The following AFF1 variants were observed in gnomAD, a reference collection of about 807,000 sequenced individuals.
AFF1 encodes ALF transcription elongation factor 1.
A neutral mutation model predicts 121.7 loss-of-function variants in AFF1; 48 were observed. That is an observed-to-expected ratio of 0.39 (90% CI 0.31 to 0.50). The LOEUF (loss-of-function observed/expected upper bound fraction) is 0.50, where lower values mean the gene tolerates loss of function less well. Ranked by LOEUF, AFF1 falls within the 20% of genes least tolerant of loss-of-function variation. The pLI is 0.76. For synonymous variants in AFF1, 613 were observed against 563.0 expected, an observed-to-expected ratio of 1.09 and a Z score of -1.26; for missense variants, 1,523 against 1,511.7, an observed-to-expected ratio of 1.01 and a Z score of -0.12.
chr4:87,057,455 G>A (rs1390633917), intron 4 of AFF1, among the ~76,000 whole-genome samples: 3 of 152,078 alleles, frequency 2.0e-5, no homozygotes, highest in South Asian at 2.1e-4. Flanking sequence ...CAGTTTATTC[G>A]TCTGTAAGTA....
chr4:86,985,574 G>A (rs941885174), intron 2 of AFF1, among the ~76,000 whole-genome samples: 1 of 151,434 alleles, frequency 6.6e-6, no homozygotes, highest in Non-Finnish European at 1.5e-5. Flanking sequence ...TCCTCGGGAG[G>A]CTGAGGCAGG....
rs776080214 is a variant in AFF1 at position 87,114,637 on chromosome 4, C to G, written c.1804C>G (p.Pro602Ala). The G allele has an allele frequency of 5.6e-6, 9 of 1,612,958 alleles. No individual in the cohort carries two copies. In the South Asian group the frequency reaches 9.9e-5, roughly 18 times the overall value. ...CQKSPAQQEP[P>A]QRQTVGTKQP... ...GAAGTCTCCGGCACAGCAGGAGCCC[C>G]CACAAAGGCAAACCGTTGGAACCAA... is the stretch of plus-strand genomic sequence containing the variant. The change falls in exon 12 of 21, where the codon CCA becomes GCA. Residue 602 changes from proline (P) to alanine (A), a missense_variant. Pro to Ala is a conservative substitution (Grantham distance 27). Coordinates refer to ENST00000395146, the MANE Select transcript of AFF1 (RefSeq NM_001166693.3).
At chr4:86,957,636 G>T (rs1050276219) in intron 2 of AFF1, among the ~76,000 whole-genome samples, 1 of 151,950 alleles carries the variant, frequency 6.6e-6, no homozygotes, top group African/African-American at 2.4e-5. Flanking sequence ...TCTGCCTCTT[G>T]GGTTCAAGCA....
Position 87,053,442 on chromosome 4 carries a change from G to A in AFF1, c.1059+5848G>A, listed in dbSNP as rs146540036. Among the ~76,000 whole-genome samples the A allele has an allele frequency of 1.6e-3, 250 of 152,318 alleles. 1 individual carries two copies. Among genetic ancestry groups the A allele is most frequent in the African/African-American group, 5.4e-3 (223 of 41,568 alleles). On this transcript the variant is annotated intron_variant, in intron 4 of 20. Coordinates refer to ENST00000395146, the MANE Select transcript of AFF1 (RefSeq NM_001166693.3). ...ACCCACAGTGGAAAACTGTGTGATA[G>A]TGATTCACTTTGCATTCACATATAC...
chr4:87,086,268 C>T (rs950798524), intron 5 of AFF1, among the ~76,000 whole-genome samples: 23 of 152,082 alleles, frequency 1.5e-4, no homozygotes, highest in Non-Finnish European at 2.2e-4. Context: ...GAAGTAAATG[C>T]AACAGTGCAG....
intron 5 of AFF1, among the ~76,000 whole-genome samples, chr4:87,084,965 C>T (rs1441165154): frequency 6.6e-6 from 1 of 152,142 alleles, no homozygotes; most frequent in Non-Finnish European, 1.5e-5. Context: ...TACATACAGC[C>T]TTTTCTTCAG....
chr4:86,963,166 CAAAAAAAAAAAA>C (rs11341612), intron 2 of AFF1, among the ~76,000 whole-genome samples: 1 of 63,294 alleles, frequency 1.6e-5, no homozygotes, highest in Non-Finnish European at 2.7e-5. Context: ...ACTCCCATCT[CAAAAAAAAAAAA>C]AAAAAAAAAA....
chr4:86,939,360 T>C (rs79243012), intron 1 of AFF1, among the ~76,000 whole-genome samples: 2,370 of 152,346 alleles, frequency 0.016, 100 homozygotes, highest in East Asian at 0.093. Flanking sequence ...TGTGGTTTCC[T>C]GTTTTTCAAG....
At chr4:87,000,275 A>G (rs867839938) in intron 2 of AFF1, among the ~76,000 whole-genome samples, 4 of 152,216 alleles carry the variant, frequency 2.6e-5, no homozygotes, top group African/African-American at 7.2e-5. Flanking sequence ...CCAAAACCAG[A>G]TAGAGGAACA....
At chr4:87,117,582 A>G (rs955346461) in intron 12 of AFF1, among the ~76,000 whole-genome samples, 1 of 152,238 alleles carries the variant, frequency 6.6e-6, no homozygotes, top group African/African-American at 2.4e-5. Context: ...GCCCAAGAGC[A>G]TACAAAGCTA....
At position 87,105,612 on chromosome 4, in the gene AFF1, T is replaced by C; in HGVS notation, c.1284-16T>C. On this transcript the variant is annotated splice_polypyrimidine_tract_variant and intron_variant, in intron 8 of 20. Coordinates refer to ENST00000395146, the MANE Select transcript of AFF1 (RefSeq NM_001166693.3). ...CATTTCACATTCATTCTTCTCTGTGTCCCTGCCCATTCCAGCATGCTCGAA... is the reference window on the plus strand; with the variant it reads ...CATTTCACATTCATTCTTCTCTGTGCCCCTGCCCATTCCAGCATGCTCGAA... The C allele has an allele frequency of 2.5e-6, 4 of 1,614,188 alleles. No homozygotes were observed. Among genetic ancestry groups the C allele is most frequent in the Non-Finnish European group, 3.4e-6 (4 of 1,180,010 alleles).
intron 2 of AFF1, among the ~76,000 whole-genome samples, chr4:86,990,302 G>GT (rs1724599159): frequency 6.9e-6 from 1 of 145,228 alleles, no homozygotes; most frequent in Non-Finnish European, 1.5e-5. Context: ...GGGAAGTATA[G>GT]TGAGACCTTG....
chr4:86,983,804 G>A (rs1469963134), intron 2 of AFF1, among the ~76,000 whole-genome samples: 11 of 152,022 alleles, frequency 7.2e-5, no homozygotes, highest in Non-Finnish European at 7.4e-5. Flanking sequence ...TTGGGAGGCC[G>A]AGGCAGGTGG....
At chr4:87,022,616 G>C (rs866592020) in intron 2 of AFF1, among the ~76,000 whole-genome samples, 1 of 104,950 alleles carries the variant, frequency 9.5e-6, no homozygotes, top group East Asian at 2.2e-4. Flanking sequence ...ATATATATCT[G>C]TGTGTGTATA....
chr4:87,139,359 GT>G lies in AFF1; in HGVS notation c.*3662del. The G allele has an allele frequency of 4.3e-6, 1 of 232,896 alleles. No individual in the cohort carries two copies. The allele number at this position is 232,896 out of a possible 1,614,324, so 14.4% of individuals were successfully genotyped here. ...GTTTTTTTGTTTTTTGTTTTGTTTT[GT>G]TTTGTTTTGTTTTCTTGTACTTAAA... On this transcript the variant is annotated 3_prime_UTR_variant, in exon 21 of 21. Transcript: ENST00000395146.
In AFF1 at chr4:87,138,857, A is replaced by T. The variant is rs903883459; in HGVS notation, c.*3156A>T. Reference sequence around the variant, plus strand: ...CTTCATATTATCTGTTTTGACCAAAATATGTAGCTATTTCCCTTACACAGA... The same window carrying T: ...CTTCATATTATCTGTTTTGACCAAATTATGTAGCTATTTCCCTTACACAGA... On this transcript the variant is annotated 3_prime_UTR_variant, in exon 21 of 21. Coordinates refer to ENST00000395146, the MANE Select transcript of AFF1 (RefSeq NM_001166693.3). 5 of 229,234 alleles carry T rather than the reference A, an allele frequency of 2.2e-5. No individual in the cohort carries two copies. The highest frequency in any genetic ancestry group is 4.4e-5 in the African/African-American group (2 of 45,132). The allele number at this position is 229,234 out of a possible 1,614,324, so 14.2% of individuals were successfully genotyped here. A position where few individuals can be genotyped will look rare whatever the true frequency, so the allele number is the denominator to read the frequency against.
chr4:87,039,896 A>ATATTTATTTATT (rs146123050), intron 2 of AFF1, among the ~76,000 whole-genome samples: 2 of 151,548 alleles, frequency 1.3e-5, no homozygotes, highest in African/African-American at 4.9e-5. Flanking sequence ...CACAGTTTTT[A>ATATTTATTTATT]TATTTATTTA....
intron 4 of AFF1, among the ~76,000 whole-genome samples, chr4:87,048,888 C>A (rs1169017071): frequency 6.6e-6 from 1 of 152,084 alleles, no homozygotes; most frequent in Non-Finnish European, 1.5e-5. Flanking sequence ...AGATTTAATG[C>A]ACTGAGCCAT....
intron 2 of AFF1, among the ~76,000 whole-genome samples, chr4:87,001,288 C>A (rs10025436): frequency 1.5e-5 from 2 of 132,682 alleles, no homozygotes; most frequent in African/African-American, 5.5e-5. Flanking sequence ...GCAATCTCGG[C>A]TCACTGCAAC....
Sources: gnomAD v4.1 joint callset for allele counts (sites outside exome capture counted in the v4.1 genomes callset) on GRCh38, gnomAD v4.1.1 for gene constraint, MANE v1.5 for transcripts, NCBI Gene and HGNC (gene_info 2026-07-23, HGNC 2026-07-21) for gene names.